TAFA2: variants seen among roughly 807,000 people sequenced by gnomAD.
TAFA2 encodes the protein chemokine-like protein TAFA-2.
TAFA2 carries 7 observed loss-of-function variants against 18.8 expected under a neutral mutation model. The ratio of observed to expected loss-of-function variants is 0.37; its 90% CI spans 0.21 to 0.70. The LOEUF (loss-of-function observed/expected upper bound fraction) is 0.70, where lower values mean the gene tolerates loss of function less well. Ranked by LOEUF, TAFA2 falls within the 30% of genes least tolerant of loss-of-function variation. The pLI, the probability that TAFA2 is intolerant of heterozygous loss-of-function variation, is 0.53. For missense variants in TAFA2, 122 were observed against 158.1 expected, an observed-to-expected ratio of 0.77 and a Z score of 1.23; for synonymous variants, 60 against 54.2, an observed-to-expected ratio of 1.11 and a Z score of -0.47.
chr12:61,928,998 A>T (rs1877429762), intron 1 of TAFA2, among the ~76,000 whole-genome samples: 1 of 151,420 alleles, frequency 6.6e-6, no homozygotes, highest in Non-Finnish European at 1.5e-5. Context: ...TCACACACTG[A>T]GGCCTGTTGG....
intron 1 of TAFA2, among the ~76,000 whole-genome samples, chr12:62,150,271 T>A (rs2062318344): frequency 6.6e-6 from 1 of 152,234 alleles, no homozygotes; most frequent in Admixed American, 6.5e-5. Flanking sequence ...TTTATTTTCA[T>A]GATCTTTCTG....
intron 1 of TAFA2, among the ~76,000 whole-genome samples, chr12:61,917,302 T>C (rs1592484783): frequency 6.6e-6 from 1 of 152,178 alleles, no homozygotes; most frequent in East Asian, 1.9e-4. Flanking sequence ...TTGAAAGACA[T>C]ATATAAAATA....
intron 1 of TAFA2, among the ~76,000 whole-genome samples, chr12:61,958,071 C>T (rs1041588983): frequency 2.6e-5 from 4 of 152,082 alleles, no homozygotes; most frequent in Non-Finnish European, 4.4e-5. Context: ...CATATTTTCT[C>T]ATATACTCAT....
At chr12:62,147,448 C>T (rs985243303) in intron 1 of TAFA2, among the ~76,000 whole-genome samples, 2 of 147,882 alleles carry the variant, frequency 1.4e-5, no homozygotes, top group East Asian at 2.0e-4. Flanking sequence ...AAGAAACTAT[C>T]GGCCGGGCAT....
chr12:62,217,113 A>G (rs1005684968), intron 1 of TAFA2, among the ~76,000 whole-genome samples: 1 of 152,228 alleles, frequency 6.6e-6, no homozygotes, highest in Non-Finnish European at 1.5e-5. Context: ...CATGTTTAAC[A>G]TATTACATAT....
intron 1 of TAFA2, among the ~76,000 whole-genome samples, chr12:62,064,535 C>A (rs767694972): frequency 2.0e-5 from 3 of 152,052 alleles, no homozygotes; most frequent in Non-Finnish European, 4.4e-5. Flanking sequence ...AAAATATACA[C>A]CACTCAAATC....
At chr12:62,159,430 T>A (rs1378223205) in intron 1 of TAFA2, among the ~76,000 whole-genome samples, 4 of 152,162 alleles carry the variant, frequency 2.6e-5, no homozygotes, top group Non-Finnish European at 5.9e-5. Flanking sequence ...TAAGATGCAT[T>A]TCCCCCATTT....
intron 1 of TAFA2, among the ~76,000 whole-genome samples, chr12:62,012,062 A>C (rs9737644): frequency 6.6e-6 from 1 of 151,966 alleles, no homozygotes; most frequent in Non-Finnish European, 1.5e-5. Flanking sequence ...ATTTCATAGT[A>C]CATGCTGAAC....
intron 4 of TAFA2, among the ~76,000 whole-genome samples, chr12:61,714,695 G>A (rs1049661613): frequency 2.0e-5 from 3 of 152,136 alleles, no homozygotes; most frequent in Admixed American, 1.3e-4. Flanking sequence ...TGAGTATTGT[G>A]AAATTTCCTC....
rs1376196680 is a variant in TAFA2, at chr12:61,755,710, C to T, written c.107-686G>A. ...ATCTGGCAGCCAATTGCCTGTAAAC[C>T]CAGTCCAATAAGCTGTCAGGCTTCC... On this transcript the variant is annotated intron_variant, in intron 2 of 4. Coordinates refer to ENST00000416284, the MANE Select transcript of TAFA2 (RefSeq NM_178539.5). Among the ~76,000 whole-genome samples, 3 of 152,036 alleles carry T rather than the reference C, an allele frequency of 2.0e-5. No individual in the cohort carries two copies. The South Asian group carries it at 6.2e-4, about 31-fold the overall frequency.
intron 2 of TAFA2, among the ~76,000 whole-genome samples, chr12:61,837,847 G>T (rs953509060): frequency 5.3e-5 from 8 of 151,982 alleles, no homozygotes; most frequent in African/African-American, 1.7e-4. Flanking sequence ...TGCTACAAAA[G>T]CTTGTAATTA....
intron 2 of TAFA2, among the ~76,000 whole-genome samples, chr12:61,834,231 A>C (rs1411909832): frequency 6.6e-6 from 1 of 152,024 alleles, no homozygotes; most frequent in Non-Finnish European, 1.5e-5. Context: ...TCTTGGGCCC[A>C]GTTGTGGACA....
At chr12:61,779,376 C>T (rs1870408182) in intron 2 of TAFA2, among the ~76,000 whole-genome samples, 2 of 151,748 alleles carry the variant, frequency 1.3e-5, no homozygotes. Context: ...AGTGGCAAAG[C>T]TAAAGTGACC....
intron 1 of TAFA2, among the ~76,000 whole-genome samples, chr12:61,927,377 A>T (rs746002825): frequency 2.0e-5 from 3 of 152,172 alleles, no homozygotes; most frequent in Non-Finnish European, 4.4e-5. Flanking sequence ...TAACAGATAA[A>T]CAGAGAGCCA....
chr12:62,191,017 G>C (rs1180563521), intron 1 of TAFA2, among the ~76,000 whole-genome samples: 3 of 151,950 alleles, frequency 2.0e-5, no homozygotes, highest in African/African-American at 7.3e-5. Flanking sequence ...CGCATGCTCC[G>C]ATCCCCTCTC....
chr12:61,730,923 A>G (rs1181610645), intron 4 of TAFA2, among the ~76,000 whole-genome samples: 1 of 151,910 alleles, frequency 6.6e-6, no homozygotes, highest in Non-Finnish European at 1.5e-5. Context: ...TGCACTTCCA[A>G]TTTGCACCCC....
intron 1 of TAFA2, among the ~76,000 whole-genome samples, chr12:61,984,365 C>T (rs1329325024): frequency 6.6e-6 from 1 of 152,198 alleles, no homozygotes; most frequent in Non-Finnish European, 1.5e-5. Flanking sequence ...CAGGAGAACC[C>T]CGGTCTTGTC....
intron 1 of TAFA2, among the ~76,000 whole-genome samples, chr12:62,011,412 C>A (rs1417167535): frequency 6.6e-6 from 1 of 152,186 alleles, no homozygotes. Flanking sequence ...AAGAAAAATT[C>A]TTCTGCCTTG....
intron 1 of TAFA2, among the ~76,000 whole-genome samples, chr12:62,044,585 A>G (rs1268202732): frequency 6.6e-6 from 1 of 152,032 alleles, no homozygotes; most frequent in East Asian, 1.9e-4. Flanking sequence ...ATGGCAAGTG[A>G]TTTTCAACTC....
Sources: allele counts gnomAD v4.1 joint callset (sites outside exome capture counted in the v4.1 genomes callset), GRCh38; gene constraint gnomAD v4.1.1; transcripts MANE v1.5; gene names NCBI Gene and HGNC (gene_info 2026-07-23, HGNC 2026-07-21).